Variants in STK10 observed in about 807,000 individuals in gnomAD.
The protein encoded by STK10 is serine/threonine kinase 10.
In STK10, 78 loss-of-function variants were observed where a neutral mutation model predicts 113.8. The ratio of observed to expected loss-of-function variants is 0.69; its 90% CI spans 0.57 to 0.83. The LOEUF (loss-of-function observed/expected upper bound fraction) is 0.83, where lower values mean the gene tolerates loss of function less well. Ranked by LOEUF, STK10 falls within the 40% of genes least tolerant of loss-of-function variation. STK10 has a pLI of 0.00. For missense variants in STK10, 1,109 were observed against 1,280.1 expected (o/e 0.87, Z 2.04); for synonymous variants, 465 against 494.7 (o/e 0.94, Z 0.80).
chr5:172,099,630 A>ACCAAAGGTGAGAACCAAGATC (rs548896077), intron 7 of STK10, among the ~76,000 whole-genome samples: 11 of 151,684 alleles, frequency 7.3e-5, no homozygotes, highest in South Asian at 4.1e-4. Flanking sequence ...GCTTTTTGGA[A>ACCAAAGGTGAGAACCAAGATC]CCAAAGGTGA....
rs546074636 is a variant in STK10, at chr5:172,044,756, C to T, written c.*126G>A. ...CAGGCACAGTTGGGGTGGCACAGGG[C>T]GAGGGGCTGGATTTGAGCTGGCACA... On this transcript the variant is annotated 3_prime_UTR_variant, in exon 19 of 19. Transcript: ENST00000176763. This position sits in a 1 kb window ranked among gnomAD's most constrained non-coding sequence, Gnocchi z 4.5. The T allele has an allele frequency of 4.9e-5, 74 of 1,513,938 alleles. No homozygotes were observed. In the African/African-American group the frequency reaches 5.7e-4, roughly 12 times the overall value. 93.8% of individuals were successfully genotyped at this position (1,513,938 alleles called of 1,614,324 possible).
rs1307455756 is a variant in STK10, at chr5:172,093,473, T to C, written c.1493A>G (p.Tyr498Cys). 8.7e-6 allele frequency: 14 copies of C among 1,614,066 alleles called. No homozygotes were observed. Among genetic ancestry groups the C allele is most frequent in the East Asian group, 4.5e-5 (2 of 44,896 alleles). ...SSLCTSESMD[Y>C]GTNLSTDLSL... is the part of the protein sequence containing the mutation. Reference sequence around the variant, plus strand: ...CAGGTCAGTGGAGAGATTGGTACCATAGTCCATGCTCTCAGAGGTGCAGAG... The same window carrying C: ...CAGGTCAGTGGAGAGATTGGTACCACAGTCCATGCTCTCAGAGGTGCAGAG... The change falls in exon 9 of 19, where the codon TAT becomes TGT. Residue 498 changes from tyrosine (Y) to cysteine (C), a missense_variant. Transcript: ENST00000176763. The surrounding 1 kb of genome is among the most constrained non-coding windows in gnomAD (Gnocchi z 4.1).
intron 2 of STK10, among the ~76,000 whole-genome samples, chr5:172,146,249 G>C (rs537403228): frequency 6.6e-6 from 1 of 152,212 alleles, no homozygotes; most frequent in South Asian, 2.1e-4. Context: ...GTGAGTGAAT[G>C]AATGACTGAG....
intron 1 of STK10, among the ~76,000 whole-genome samples, chr5:172,178,355 T>A (rs557022101): frequency 2.0e-5 from 3 of 152,086 alleles, no homozygotes; most frequent in Non-Finnish European, 4.4e-5. Context: ...TGGCCTGGAC[T>A]TCCTTCCCTC....
chr5:172,088,024 C>CCTATG (rs1768610522), intron 10 of STK10, among the ~76,000 whole-genome samples: 1 of 152,084 alleles, frequency 6.6e-6, no homozygotes, highest in South Asian at 2.1e-4. Context: ...CTCCTATGCT[C>CCTATG]AAGTGATCCT....
At chr5:172,048,376 C>A (rs1210159190) in intron 18 of STK10, among the ~76,000 whole-genome samples, 1 of 145,622 alleles carries the variant, frequency 6.9e-6, no homozygotes, top group Non-Finnish European at 1.5e-5. Flanking sequence ...TAAGCCAATT[C>A]CTTAAAATAA....
At chr5:172,186,152 C>A (rs775367120) in intron 1 of STK10, among the ~76,000 whole-genome samples, 2 of 152,006 alleles carry the variant, frequency 1.3e-5, no homozygotes, top group Non-Finnish European at 2.9e-5. Flanking sequence ...TGTGTGCCTG[C>A]AATCCCAGCT....
At chr5:172,155,091 T>C (rs967319794) in intron 2 of STK10, among the ~76,000 whole-genome samples, 2 of 120,168 alleles carry the variant, frequency 1.7e-5, no homozygotes, top group Admixed American at 1.3e-4. Flanking sequence ...GAGAGGAAGA[T>C]GAATGGACAG....
chr5:172,084,772 T>C (rs879762730), intron 10 of STK10, among the ~76,000 whole-genome samples: 7 of 152,116 alleles, frequency 4.6e-5, no homozygotes, highest in African/African-American at 9.7e-5. Context: ...TTTTTTTAGA[T>C]TGTAGAATAT....
chr5:172,129,580 T>A (rs2113790064), intron 2 of STK10, among the ~76,000 whole-genome samples: 1 of 152,318 alleles, frequency 6.6e-6, no homozygotes, highest in East Asian at 1.9e-4. Flanking sequence ...TCCATTCATT[T>A]GTTCCCTCTT....
chr5:172,148,731 C>G (rs1010195974), intron 2 of STK10, among the ~76,000 whole-genome samples: 2 of 152,230 alleles, frequency 1.3e-5, no homozygotes, highest in Non-Finnish European at 2.9e-5. Context: ...CCAGTGATGC[C>G]CAGAGCCTGG....
chr5:172,185,455 G>C (rs1270643430), intron 1 of STK10, among the ~76,000 whole-genome samples: 1 of 152,108 alleles, frequency 6.6e-6, no homozygotes, highest in Non-Finnish European at 1.5e-5. Flanking sequence ...TTTTAGTAGA[G>C]ACAGGGTTTC....
At chr5:172,061,415 A>T (rs1219383818) in intron 13 of STK10, 147 bp from the exon 14 acceptor site, 2 of 1,148,772 alleles carry the variant, frequency 1.7e-6, no homozygotes, top group African/African-American at 3.1e-5. Flanking sequence ...TTTAAGGGAG[A>T]CTTAGAGACG....
intron 1 of STK10, among the ~76,000 whole-genome samples, chr5:172,172,874 G>A (rs1443514394): frequency 1.3e-5 from 2 of 152,106 alleles, no homozygotes; most frequent in African/African-American, 4.8e-5. Context: ...CAGCTACTCG[G>A]GAGCCTGAGG....
intron 18 of STK10, among the ~76,000 whole-genome samples, chr5:172,047,336 A>G (rs895266791): frequency 1.3e-5 from 2 of 152,208 alleles, no homozygotes; most frequent in African/African-American, 4.8e-5. Context: ...TCTGAGACAT[A>G]AGGCAATAGC....
In STK10 at chr5:172,072,411, C is replaced by T. The variant is rs987046041; in HGVS notation, c.1990-7599G>A. Among the ~76,000 whole-genome samples, 7 of 152,212 alleles carry T rather than the reference C, an allele frequency of 4.6e-5. 1 individual carries two copies. The highest frequency in any genetic ancestry group is 2.1e-4 in the South Asian group (1 of 4,828). On this transcript the variant is annotated intron_variant, in intron 12 of 18. Coordinates refer to ENST00000176763, the MANE Select transcript of STK10 (RefSeq NM_005990.4). ...CCTCCCGAGTAGCTGGGACTACAGG[C>T]GCACACTGCCACGCCTGGCTAATTT...
chr5:172,157,756 A>C (rs1306612566), intron 1 of STK10, among the ~76,000 whole-genome samples: 2 of 151,672 alleles, frequency 1.3e-5, no homozygotes, highest in Non-Finnish European at 2.9e-5. Flanking sequence ...ACGCCTGGCT[A>C]AATTTTGTGT....
chr5:172,087,107 A>AGTGTGTGTGTGTGTGTGTGTGTGTGT (rs201052929), intron 10 of STK10, among the ~76,000 whole-genome samples: 107 of 128,946 alleles, frequency 8.3e-4, no homozygotes, highest in African/African-American at 1.8e-3. Context: ...AGATGACACC[A>AGTGTGTGTGTGTGTGTGTGTGTGTGT]GTGTGTGTGT....
intron 1 of STK10, among the ~76,000 whole-genome samples, chr5:172,169,358 G>A (rs1770624916): frequency 6.6e-6 from 1 of 152,296 alleles, no homozygotes; most frequent in African/African-American, 2.4e-5. Context: ...GTGGGAGTGG[G>A]AGTGAACGGG....
Sources: allele counts gnomAD v4.1 joint callset (sites outside exome capture counted in the v4.1 genomes callset), GRCh38; gene constraint gnomAD v4.1.1; non-coding constraint Gnocchi (gnomAD v3.1); transcripts MANE v1.5; gene names NCBI Gene and HGNC (gene_info 2026-07-23, HGNC 2026-07-21).